The following FBXL17 variants were observed in gnomAD, a reference collection of about 807,000 sequenced individuals.
FBXL17 encodes the protein F-box/LRR-repeat protein 17.
FBXL17 carries 22 observed loss-of-function variants against 66.2 expected under a neutral mutation model. The observed-to-expected ratio is 0.33, with a 90% CI of 0.24 to 0.47. The LOEUF is 0.47. Ranked by LOEUF, FBXL17 falls within the 20% of genes least tolerant of loss-of-function variation. The probability of loss-of-function intolerance (pLI) is 1.00; values close to 1 mark genes in which losing one functional copy is unlikely to be tolerated. For missense variants in FBXL17, 878 were observed against 948.2 expected, an observed-to-expected ratio of 0.93 and a Z score of 0.97; for synonymous variants, 474 against 400.5, an observed-to-expected ratio of 1.18 and a Z score of -2.19.
At chr5:108,290,614 T>C (rs2150161415) in intron 4 of FBXL17, among the ~76,000 whole-genome samples, 1 of 152,298 alleles carries the variant, frequency 6.6e-6, no homozygotes, top group Middle Eastern at 3.4e-3. Context: ...GGACTTTCTA[T>C]TCAATCACAG....
At chr5:107,931,424 T>G (rs557755463) in intron 7 of FBXL17, among the ~76,000 whole-genome samples, 1 of 152,114 alleles carries the variant, frequency 6.6e-6, no homozygotes, top group East Asian at 1.9e-4. Context: ...CACGCCTGGC[T>G]AATTTTTTTG....
intron 7 of FBXL17, among the ~76,000 whole-genome samples, chr5:107,988,747 A>G (rs1426700826): frequency 6.6e-6 from 1 of 152,030 alleles, no homozygotes; most frequent in Non-Finnish European, 1.5e-5. Context: ...TTGTTGGTCC[A>G]TTAATTAAAA....
chr5:108,327,728 TC>T lies in FBXL17; in HGVS notation c.1506+20670del, dbSNP rs377338029. ...CATAAAGCAACCATTGGTTACTTTT[TC>T]CCCTTGCTAAGCTCTCAGTAAGAAC... On this transcript the variant is annotated intron_variant, in intron 4 of 8. Transcript: ENST00000542267. Among the ~76,000 whole-genome samples, 35 of 152,282 alleles carry T rather than the reference TC, an allele frequency of 2.3e-4. No homozygotes were observed. The South Asian group carries it at 7.0e-3, about 31-fold the overall frequency.
intron 6 of FBXL17, among the ~76,000 whole-genome samples, chr5:108,158,457 CA>C (rs920883258): frequency 2.2e-4 from 33 of 151,994 alleles, no homozygotes; most frequent in African/African-American, 8.0e-4. Context: ...CAAATTTCCA[CA>C]AATAAAACTA....
intron 4 of FBXL17, among the ~76,000 whole-genome samples, chr5:108,278,503 G>A (rs1331842724): frequency 6.6e-6 from 1 of 152,204 alleles, no homozygotes; most frequent in Non-Finnish European, 1.5e-5. Context: ...GCTAGAAGCA[G>A]GCACTGTCTC....
intron 4 of FBXL17, among the ~76,000 whole-genome samples, chr5:108,273,864 A>G (rs1250555430): frequency 1.3e-5 from 2 of 151,966 alleles, no homozygotes; most frequent in Non-Finnish European, 2.9e-5. Flanking sequence ...GATATATAGC[A>G]TTAGAATGAA....
chr5:108,021,999 G>C (rs995957742), intron 6 of FBXL17, among the ~76,000 whole-genome samples: 1 of 151,572 alleles, frequency 6.6e-6, no homozygotes, highest in African/African-American at 2.4e-5. Flanking sequence ...TTTGCTGTCT[G>C]GCTTATTTGT....
intron 4 of FBXL17, among the ~76,000 whole-genome samples, chr5:108,261,145 G>A (rs192645154): frequency 6.6e-6 from 1 of 151,884 alleles, no homozygotes; most frequent in South Asian, 2.1e-4. Context: ...TCAAACTGTG[G>A]TCCTTCCTAA....
chr5:108,278,754 C>T (rs1418816316), intron 4 of FBXL17, among the ~76,000 whole-genome samples: 1 of 152,204 alleles, frequency 6.6e-6, no homozygotes, highest in Non-Finnish European at 1.5e-5. Flanking sequence ...CTCAATGCTG[C>T]AGTAGCCACC....
intron 6 of FBXL17, among the ~76,000 whole-genome samples, chr5:108,098,033 A>G (rs1014386172): frequency 1.3e-5 from 2 of 152,198 alleles, no homozygotes; most frequent in African/African-American, 4.8e-5. Context: ...ATCTCCTAGA[A>G]GAAGCTCATA....
chr5:108,049,203 C>T (rs960518894), intron 6 of FBXL17, among the ~76,000 whole-genome samples: 10 of 151,734 alleles, frequency 6.6e-5, no homozygotes, highest in Non-Finnish European at 1.0e-4. Context: ...AGTGCAGCGG[C>T]GAGATCTCGA....
intron 7 of FBXL17, among the ~76,000 whole-genome samples, chr5:107,948,697 G>A (rs903906826): frequency 6.6e-6 from 1 of 152,192 alleles, no homozygotes; most frequent in Non-Finnish European, 1.5e-5. Flanking sequence ...AGGCATACAT[G>A]ATTTAATTCC....
At chr5:108,087,390 C>A (rs535267352) in intron 6 of FBXL17, among the ~76,000 whole-genome samples, 16 of 152,100 alleles carry the variant, frequency 1.1e-4, no homozygotes, top group Non-Finnish European at 2.2e-4. Context: ...CAGCAGCCTG[C>A]AACAGCCACT....
intron 4 of FBXL17, among the ~76,000 whole-genome samples, chr5:108,326,824 T>C (rs1039575809): frequency 1.3e-5 from 2 of 152,108 alleles, no homozygotes; most frequent in Admixed American, 1.3e-4. Context: ...ACACCACCTG[T>C]TGGTAGCGAC....
chr5:108,192,856 C>T (rs1467865164), intron 5 of FBXL17, among the ~76,000 whole-genome samples: 1 of 151,982 alleles, frequency 6.6e-6, no homozygotes, highest in African/African-American at 2.4e-5. Flanking sequence ...TTTCTTAAGA[C>T]CCTACAAAAG....
rs182778050 is a variant in FBXL17, at chr5:108,063,254, C to A, written c.1746-42253G>T. On this transcript the variant is annotated intron_variant, in intron 6 of 8. Coordinates refer to ENST00000542267, the MANE Select transcript of FBXL17 (RefSeq NM_001163315.3). ...TCAGCATTTGTCCTACAGACTGTTC[C>A]CAATGGTGAGAAATGACAGTGGCAG... 1.1e-3 allele frequency among the ~76,000 whole-genome samples: 169 copies of A among 152,222 alleles called. 1 individual carries two copies. The highest frequency in any genetic ancestry group is 4.0e-3 in the African/African-American group (166 of 41,560).
chr5:108,182,938 A>G lies in FBXL17; in HGVS notation c.1745+3179T>C, dbSNP rs1753064832. 1.3e-5 allele frequency among the ~76,000 whole-genome samples: 2 copies of G among 152,144 alleles called. 1 individual carries two copies. Among genetic ancestry groups the G allele is most frequent in the Non-Finnish European group, 2.9e-5 (2 of 68,014 alleles). ...AGTATAGACCGTATCTTATTTATCAATTATAGTATCTCCCATTAAATGACT... is the reference window on the plus strand; with the variant it reads ...AGTATAGACCGTATCTTATTTATCAGTTATAGTATCTCCCATTAAATGACT... On this transcript the variant is annotated intron_variant, in intron 6 of 8. Coordinates refer to ENST00000542267, the MANE Select transcript of FBXL17 (RefSeq NM_001163315.3).
intron 7 of FBXL17, among the ~76,000 whole-genome samples, chr5:107,934,576 T>C (rs897308572): frequency 6.6e-6 from 1 of 152,146 alleles, no homozygotes; most frequent in Admixed American, 6.5e-5. Flanking sequence ...TTCTTTCCTA[T>C]TGTAAAGTTT....
At chr5:107,957,357 T>C (rs1235036417) in intron 7 of FBXL17, among the ~76,000 whole-genome samples, 1 of 151,916 alleles carries the variant, frequency 6.6e-6, no homozygotes, top group Non-Finnish European at 1.5e-5. Context: ...AACACTGGAA[T>C]GGAGAAAAAG....
Sources: gnomAD v4.1 joint callset for allele counts (sites outside exome capture counted in the v4.1 genomes callset) on GRCh38, gnomAD v4.1.1 for gene constraint, MANE v1.5 for transcripts, NCBI Gene and HGNC (gene_info 2026-07-23, HGNC 2026-07-21) for gene names.